TRPV2: variants seen among roughly 807,000 people sequenced by gnomAD.
The protein encoded by TRPV2 is transient receptor potential cation channel subfamily V member 2, also known as OTRPC2.
TRPV2 carries 58 observed loss-of-function variants against 91.0 expected under a neutral mutation model. The ratio of observed to expected loss-of-function variants is 0.64; its 90% CI spans 0.52 to 0.79. The LOEUF (loss-of-function observed/expected upper bound fraction) is 0.79. Among genes scored for constraint, TRPV2 ranks in the 30% least tolerant of loss-of-function variants. The probability of loss-of-function intolerance (pLI) is 0.00; values close to 1 mark genes in which losing one functional copy is unlikely to be tolerated. For missense variants in TRPV2, 807 were observed against 969.6 expected (o/e 0.83, Z 2.23); for synonymous variants, 417 against 414.8 (o/e 1.01, Z -0.06).
At chr17:16,420,975 A>C (rs775485502) in intron 3 of TRPV2, among the ~76,000 whole-genome samples, 4 of 152,186 alleles carry the variant, frequency 2.6e-5, no homozygotes, top group African/African-American at 7.2e-5. Flanking sequence ...TGACACATAT[A>C]CTAATTTGTA....
chr17:16,422,509 C>T, intron 3 of TRPV2, 90 bp from the exon 4 acceptor site: 3 of 1,371,654 alleles, frequency 2.2e-6, no homozygotes, highest in Admixed American at 2.0e-5. Context: ...CCAAGGGGTA[C>T]TTTGAGCTGG....
intron 4 of TRPV2, 46 bp from the exon 5 acceptor site, chr17:16,423,423 T>C (rs1200226198): frequency 1.9e-6 from 3 of 1,553,552 alleles, no homozygotes; most frequent in Non-Finnish European, 2.6e-6. Context: ...AGTAGGCAGA[T>C]GGAAAGCAGG....
intron 3 of TRPV2, among the ~76,000 whole-genome samples, chr17:16,421,216 T>C (rs4792741): frequency 0.3 from 42,429 of 142,690 alleles, 7,328 homozygotes; most frequent in Non-Finnish European, 0.39. Context: ...ATTATTCCCC[T>C]TTTTTTTTTT....
Position 16,426,652 on chromosome 17 carries a change from T to A in TRPV2, c.1096-70T>A, listed in dbSNP as rs1236268030. 6.5e-7 allele frequency: 1 copy of A among 1,541,302 alleles called. No individual in the cohort carries two copies. Among genetic ancestry groups the A allele is most frequent in the African/African-American group, 1.4e-5 (1 of 73,062 alleles). ...CTCATTTCCTGGGCCCTTGCTTTGA[T>A]CTTGACATGGAGTGGGCAGCCTATT... On this transcript the variant is annotated intron_variant, in intron 6 of 14. Coordinates refer to ENST00000338560, the MANE Select transcript of TRPV2 (RefSeq NM_016113.5). The surrounding 1 kb of genome is among the most constrained non-coding windows in gnomAD (Gnocchi z 6.0).
Position 16,435,210 on chromosome 17 carries a change from T to C in TRPV2, c.2194+241T>C, listed in dbSNP as rs1049405433. 6.6e-6 allele frequency among the ~76,000 whole-genome samples: 1 copy of C among 152,176 alleles called. No homozygotes were observed. Among genetic ancestry groups the C allele is most frequent in the African/African-American group, 2.4e-5 (1 of 41,434 alleles). On this transcript the variant is annotated intron_variant, in intron 14 of 14. Coordinates refer to ENST00000338560, the MANE Select transcript of TRPV2 (RefSeq NM_016113.5). This position sits in a 1 kb window ranked among gnomAD's most constrained non-coding sequence, Gnocchi z 4.2. ...GGAAACCTCTGAGGCTGTTAGCGCTTCCACCAGCCCAGCCTCTGGCTGCCC... is the reference window on the plus strand; with the variant it reads ...GGAAACCTCTGAGGCTGTTAGCGCTCCCACCAGCCCAGCCTCTGGCTGCCC...
In TRPV2 at chr17:16,436,654, T is replaced by C. The variant is rs1037737227; in HGVS notation, c.2195-135T>C. On this transcript the variant is annotated intron_variant, in intron 14 of 14. Coordinates refer to ENST00000338560, the MANE Select transcript of TRPV2 (RefSeq NM_016113.5). ...GGAGTGAGGGAAGCAGGGAGAAGGA[T>C]TGCTGGCCTCCAGGATCGCTGAGGC... The C allele has an allele frequency of 4.4e-6, 3 of 677,410 alleles. No individual in the cohort carries two copies. In the South Asian group the frequency reaches 5.0e-5, roughly 11 times the overall value. The allele number at this position is 677,410 out of a possible 1,614,324, so 42.0% of individuals were successfully genotyped here.
chr17:16,434,321 A>G (rs543168454), intron 13 of TRPV2, among the ~76,000 whole-genome samples: 1 of 152,214 alleles, frequency 6.6e-6, no homozygotes, highest in South Asian at 2.1e-4. Context: ...ACAAAAAAGT[A>G]GCCGGGCGTG....
rs1208166671 is a variant in TRPV2 at position 16,435,046 on chromosome 17, T to G, written c.2194+77T>G. ...CTTGGCCACAAAGCCTTGGAGAGTC[T>G]GGGGCAGGACCCAGAGACCTCCTCA... On this transcript the variant is annotated intron_variant, in intron 14 of 14. Transcript: ENST00000338560. This position sits in a 1 kb window ranked among gnomAD's most constrained non-coding sequence, Gnocchi z 4.2. The G allele has an allele frequency of 3.0e-6, 4 of 1,320,496 alleles. No individual in the cohort carries two copies. The African/African-American group carries it at 6.0e-5, about 20-fold the overall frequency. 81.8% of individuals were successfully genotyped at this position (1,320,496 alleles called of 1,614,324 possible).
At chr17:16,421,600 C>T (rs1364076904) in intron 3 of TRPV2, among the ~76,000 whole-genome samples, 2 of 148,420 alleles carry the variant, frequency 1.3e-5, no homozygotes, top group African/African-American at 2.5e-5. Context: ...CAGCTCACTG[C>T]AACCTCTGCC....
chr17:16,418,919 C>T (rs1262843926), intron 2 of TRPV2, among the ~76,000 whole-genome samples: 2 of 151,838 alleles, frequency 1.3e-5, no homozygotes, highest in African/African-American at 4.8e-5. Context: ...TAGCTGTTGG[C>T]TTAAAAAGTC....
rs1303219440 is a variant in TRPV2, at chr17:16,428,340, C to A, written c.1374C>A (p.His458Gln). ...VGQLWYFWRR[H>Q]VFIWISFIDS... ...AGCTGTGGTACTTCTGGCGGCGCCA[C>A]GTGTTCATCTGGATCTCGTTCATAG... Residue 458 changes from histidine (H) to glutamine (Q), a missense_variant, in exon 9 of 15, where the codon CAC (histidine) becomes CAA (glutamine). By Grantham distance (24) the His-to-Gln change is conservative (BLOSUM62 0). Coordinates refer to ENST00000338560, the MANE Select transcript of TRPV2 (RefSeq NM_016113.5). 1.9e-6 allele frequency: 3 copies of A among 1,614,220 alleles called. No homozygotes were observed. Among genetic ancestry groups the A allele is most frequent in the Non-Finnish European group, 2.5e-6 (3 of 1,180,028 alleles).
At chr17:16,420,328 T>G (rs575157504) in intron 3 of TRPV2, 80 bp downstream of exon 3, 126 of 1,522,022 alleles carry the variant, frequency 8.3e-5, no homozygotes, top group Admixed American at 6.4e-4. Context: ...TGATCCCTGG[T>G]CAGGAGCTGA....
chr17:16,422,346 A>G (rs1225777061), intron 3 of TRPV2, among the ~76,000 whole-genome samples: 1 of 151,260 alleles, frequency 6.6e-6, no homozygotes, highest in East Asian at 1.9e-4. Context: ...AAAGAAAAGA[A>G]AAGAAAAGAA....
At chr17:16,422,999 C>A (rs2093365806) in intron 4 of TRPV2, 110 bp downstream of exon 4, 5 of 1,314,758 alleles carry the variant, frequency 3.8e-6, no homozygotes, top group Admixed American at 5.1e-5. Flanking sequence ...GTTTTTCTGA[C>A]CCCGATGCCC....
chr17:16,418,324 C>G (rs2093341051), intron 2 of TRPV2, among the ~76,000 whole-genome samples: 1 of 152,150 alleles, frequency 6.6e-6, no homozygotes, highest in African/African-American at 2.4e-5. Flanking sequence ...TTGGGGATGA[C>G]AGGCTTCTGC....
intron 5 of TRPV2, 28 bp downstream of exon 5, chr17:16,423,795 C>G: frequency 1.3e-6 from 2 of 1,529,838 alleles, no homozygotes; most frequent in Non-Finnish European, 1.8e-6. Flanking sequence ...TCCCACTTCC[C>G]CTCTCCAGGA....
intron 12 of TRPV2, 100 bp from the exon 13 acceptor site, chr17:16,433,474 T>G (rs2093422286): frequency 6.7e-7 from 1 of 1,501,896 alleles, no homozygotes; most frequent in African/African-American, 1.4e-5. Flanking sequence ...CGTTATACTG[T>G]GAAGTGCTGC....
intron 7 of TRPV2, 112 bp from the exon 8 acceptor site, chr17:16,427,337 G>A: frequency 2.0e-6 from 2 of 990,684 alleles, no homozygotes; most frequent in South Asian, 1.6e-5. Flanking sequence ...ATGCCGTTCT[G>A]AGGAGCCTCT....
In TRPV2 at chr17:16,433,618, C is replaced by T. The variant is rs773668284; in HGVS notation, c.2034C>T (p.Cys678=). The stretch of plus-strand genomic sequence containing the variant: ...AGATGGAGAATGGCTATTGGTGGTG[C>T]AGGAAGAAGCAGCGGGCAGGTGTGA... ...VLEMENGYWW[C]RKKQRAGVML... is the part of the protein sequence containing the mutation. The change falls in exon 13 of 15, where the codon TGC becomes TGT. Residue 678 remains cysteine, a synonymous_variant. Coordinates refer to ENST00000338560, the MANE Select transcript of TRPV2 (RefSeq NM_016113.5). 14 of 1,614,046 alleles carry T rather than the reference C, an allele frequency of 8.7e-6. No homozygotes were observed. The highest frequency in any genetic ancestry group is 5.0e-5 in the Admixed American group (3 of 60,010).
Sources: allele counts gnomAD v4.1 joint callset (sites outside exome capture counted in the v4.1 genomes callset), GRCh38; gene constraint gnomAD v4.1.1; non-coding constraint Gnocchi (gnomAD v3.1); transcripts MANE v1.5; gene names NCBI Gene and HGNC (gene_info 2026-07-23, HGNC 2026-07-21).